C8orf34: variants seen among roughly 807,000 people sequenced by gnomAD.
C8orf34 encodes uncharacterized protein C8orf34.
A neutral mutation model predicts 68.3 loss-of-function variants in C8orf34; 65 were observed. The observed-to-expected ratio is 0.95, with a 90% CI of 0.78 to 1.17. The LOEUF (loss-of-function observed/expected upper bound fraction) is 1.17, where lower values mean the gene tolerates loss of function less well. Ranked by LOEUF, C8orf34 falls within the 50% of genes most tolerant of loss-of-function variation. C8orf34 has a pLI of 0.00. For synonymous variants in C8orf34, 244 were observed against 241.2 expected (o/e 1.01, Z -0.11); for missense variants, 664 against 655.4 (o/e 1.01, Z -0.14).
At chr8:68,581,650 C>T (rs1817067483) in intron 7 of C8orf34, among the ~76,000 whole-genome samples, 1 of 152,102 alleles carries the variant, frequency 6.6e-6, no homozygotes, top group Non-Finnish European at 1.5e-5. Context: ...CTTGAAGCTT[C>T]TGCTATGATC....
intron 7 of C8orf34, chr8:68,625,449 G>A: frequency 1.8e-6 from 1 of 547,406 alleles, no homozygotes; most frequent in South Asian, 2.4e-5. Flanking sequence ...GCTCACAGAG[G>A]CAACTCTCCA....
intron 8 of C8orf34, among the ~76,000 whole-genome samples, chr8:68,654,631 A>T (rs77566434): frequency 0.063 from 9,599 of 152,234 alleles, 337 homozygotes; most frequent in Middle Eastern, 0.11. Context: ...TTACATACAT[A>T]GTATTTAATC....
rs1047440746 is a variant in C8orf34, at chr8:68,533,204, C to A, written c.1105+55C>A. ...TTCTTCTTTGACATTGTAAAAAAAA[C>A]GTGTGGTGATTAAGAGATTTTAAAA... is the stretch of plus-strand genomic sequence containing the variant. On this transcript the variant is annotated intron_variant, in intron 7 of 13. Transcript: ENST00000518698. The A allele has an allele frequency of 2.6e-6, 4 of 1,525,178 alleles. No homozygotes were observed. In the East Asian group the frequency reaches 7.1e-5, roughly 27 times the overall value. 94.5% of individuals were successfully genotyped at this position (1,525,178 alleles called of 1,614,324 possible). A position where few individuals can be genotyped will look rare whatever the true frequency, so the allele number is the denominator to read the frequency against.
intron 2 of C8orf34, among the ~76,000 whole-genome samples, chr8:68,442,013 T>C (rs1177357687): frequency 2.0e-5 from 3 of 152,144 alleles, no homozygotes; most frequent in Non-Finnish European, 4.4e-5. Context: ...GAGTCCCAGA[T>C]GTTACCTTCA....
chr8:68,810,269 C>A (rs1366558637), intron 12 of C8orf34, among the ~76,000 whole-genome samples: 9 of 152,194 alleles, frequency 5.9e-5, no homozygotes. Context: ...GCCAGGCATG[C>A]TGGCTGCGGC....
intron 1 of C8orf34, among the ~76,000 whole-genome samples, chr8:68,424,319 C>A (rs1810113363): frequency 6.6e-6 from 1 of 152,090 alleles, no homozygotes; most frequent in South Asian, 2.1e-4. Flanking sequence ...ACATGCTCAA[C>A]CTAAACGGGG....
At chr8:68,592,593 C>CTTTTTTTTTTTTTTTTTTT (rs1444802100) in intron 7 of C8orf34, among the ~76,000 whole-genome samples, 2 of 116,802 alleles carry the variant, frequency 1.7e-5, no homozygotes. Context: ...CAATTTATCT[C>CTTTTTTTTTTTTTTTTTTT]TTCTTTTTTT....
intron 8 of C8orf34, among the ~76,000 whole-genome samples, chr8:68,669,290 T>C (rs1011370647): frequency 2.0e-5 from 3 of 152,092 alleles, no homozygotes; most frequent in South Asian, 2.1e-4. Context: ...CAGGAGTATA[T>C]GGGAAATCTC....
chr8:68,380,802 T>G (rs114063258), intron 1 of C8orf34, among the ~76,000 whole-genome samples: 2 of 152,328 alleles, frequency 1.3e-5, no homozygotes, highest in African/African-American at 4.8e-5. Flanking sequence ...AGAGCTAATA[T>G]ATATATTACA....
chr8:68,700,621 C>G (rs968363772), intron 8 of C8orf34, among the ~76,000 whole-genome samples: 2 of 152,088 alleles, frequency 1.3e-5, no homozygotes, highest in Non-Finnish European at 2.9e-5. Flanking sequence ...TGGACAGTAT[C>G]AGACCTTGGT....
chr8:68,716,593 T>A (rs887778272), intron 9 of C8orf34, among the ~76,000 whole-genome samples: 1 of 152,086 alleles, frequency 6.6e-6, no homozygotes, highest in African/African-American at 2.4e-5. Flanking sequence ...AGATACAATC[T>A]TTTTTCTTTT....
At chr8:68,605,169 C>T (rs1170648453) in intron 7 of C8orf34, among the ~76,000 whole-genome samples, 1 of 152,108 alleles carries the variant, frequency 6.6e-6, no homozygotes, top group Non-Finnish European at 1.5e-5. Context: ...TGTTACTACA[C>T]ACCTGTTAGA....
At chr8:68,811,343 C>T (rs1230569630) in intron 12 of C8orf34, among the ~76,000 whole-genome samples, 1 of 152,218 alleles carries the variant, frequency 6.6e-6, no homozygotes, top group Admixed American at 6.5e-5. Flanking sequence ...TCCGAGCCTG[C>T]AGGGGCAGGT....
At chr8:68,410,349 G>C (rs1284794939) in intron 1 of C8orf34, among the ~76,000 whole-genome samples, 1 of 151,910 alleles carries the variant, frequency 6.6e-6, no homozygotes, top group African/African-American at 2.4e-5. Flanking sequence ...AAAAATAACA[G>C]TACAACAATA....
At position 68,627,936 on chromosome 8, in the gene C8orf34, T is replaced by C. The variant is rs1019056897; in HGVS notation, c.1106-12440T>C. On this transcript the variant is annotated intron_variant, in intron 7 of 13. Transcript: ENST00000518698. ...AAGTAACAAAGAAAATCTCAGAAAG[T>C]TTTTTACTCTTTTCAGTTAACAAGA... Among the ~76,000 whole-genome samples, 3 of 152,140 alleles carry C rather than the reference T, an allele frequency of 2.0e-5. No individual in the cohort carries two copies. In the East Asian group the frequency reaches 5.8e-4, roughly 29 times the overall value.
At chr8:68,583,188 A>G (rs760028132) in intron 7 of C8orf34, among the ~76,000 whole-genome samples, 14 of 152,036 alleles carry the variant, frequency 9.2e-5, no homozygotes, top group Non-Finnish European at 1.2e-4. Flanking sequence ...TTACAGTTAT[A>G]TTTTGGGGTA....
intron 12 of C8orf34, among the ~76,000 whole-genome samples, chr8:68,810,294 C>A (rs1824606605): frequency 6.6e-6 from 1 of 152,178 alleles, no homozygotes; most frequent in Non-Finnish European, 1.5e-5. Flanking sequence ...CAGGCAGCTC[C>A]AGGTGCCAGC....
Position 68,787,434 on chromosome 8 carries a change from C to A in C8orf34, c.1456-9C>A, listed in dbSNP as rs367957716. 42 of 1,599,702 alleles carry A rather than the reference C, an allele frequency of 2.6e-5. No homozygotes were observed. Among genetic ancestry groups the A allele is most frequent in the South Asian group, 3.3e-5 (3 of 89,778 alleles). On this transcript the variant is annotated splice_polypyrimidine_tract_variant and intron_variant, in intron 11 of 13. Transcript: ENST00000518698. ...GAGTTTAATCTAAAATAAATGTGTTCTTTTGCAGGATGAATCCTTAAAGCA... is the reference window on the plus strand; with the variant it reads ...GAGTTTAATCTAAAATAAATGTGTTATTTTGCAGGATGAATCCTTAAAGCA...
At position 68,417,707 on chromosome 8, in the gene C8orf34, C is replaced by T. The variant is rs56708665; in HGVS notation, c.328-21792C>T. 7.9e-3 allele frequency among the ~76,000 whole-genome samples: 1,207 copies of T among 152,070 alleles called. 41 individuals carry two copies. In the East Asian group the frequency reaches 0.11, roughly 13 times the overall value. ...GGTCAAAATAAAGAAAATATCTGTT[C>T]AGTTTGAAGTCAGGTAGTGTGATGC... is the stretch of plus-strand genomic sequence containing the variant. On this transcript the variant is annotated intron_variant, in intron 1 of 13. Transcript: ENST00000518698.
Sources: allele counts gnomAD v4.1 joint callset (sites outside exome capture counted in the v4.1 genomes callset), GRCh38; gene constraint gnomAD v4.1.1; transcripts MANE v1.5; gene names NCBI Gene and HGNC (gene_info 2026-07-23, HGNC 2026-07-21).